The following HSF2BP variants were observed in gnomAD, a reference collection of about 807,000 sequenced individuals.
HSF2BP encodes the protein heat shock factor 2-binding protein.
Under a neutral mutation model 35.0 loss-of-function variants are expected in HSF2BP, and 35 were observed. The observed-to-expected ratio is 1.00, with a 90% confidence interval of 0.76 to 1.32. HSF2BP has a LOEUF of 1.32. Ranked by LOEUF, HSF2BP falls within the 40% of genes most tolerant of loss-of-function variation. The pLI is 0.00. For synonymous variants in HSF2BP, 114 were observed against 117.4 expected (o/e 0.97, Z 0.18); for missense variants, 326 against 321.7 (o/e 1.01, Z -0.10).
intron 8 of HSF2BP, among the ~76,000 whole-genome samples, chr21:43,591,537 C>T (rs2081925796): frequency 6.6e-6 from 1 of 152,168 alleles, no homozygotes; most frequent in African/African-American, 2.4e-5. Context: ...GTAAACTTAA[C>T]ATACCAAGAA....
intron 3 of HSF2BP, among the ~76,000 whole-genome samples, chr21:43,651,546 C>A (rs1289413709): frequency 1.3e-5 from 2 of 152,170 alleles, no homozygotes; most frequent in African/African-American, 4.8e-5. Context: ...TCCTAAAAAA[C>A]GTCATTTTGA....
chr21:43,650,461 TC>T (rs1482712097), intron 3 of HSF2BP, among the ~76,000 whole-genome samples: 2 of 152,166 alleles, frequency 1.3e-5, no homozygotes, highest in East Asian at 3.9e-4. Flanking sequence ...CACTTCGGCC[TC>T]CCAAAGTGCT....
chr21:43,611,159 T>A (rs984001223), intron 7 of HSF2BP, among the ~76,000 whole-genome samples: 1 of 152,124 alleles, frequency 6.6e-6, no homozygotes, highest in African/African-American at 2.4e-5. Flanking sequence ...GCTGGGAGGA[T>A]AACTTAAGCC....
intron 8 of HSF2BP, among the ~76,000 whole-genome samples, chr21:43,586,469 A>T (rs2081852645): frequency 6.6e-6 from 1 of 152,136 alleles, no homozygotes; most frequent in Admixed American, 6.5e-5. Flanking sequence ...TTTCATTTCA[A>T]GTCTTTTATC....
At chr21:43,646,719 A>C (rs2082713397) in intron 3 of HSF2BP, among the ~76,000 whole-genome samples, 1 of 152,246 alleles carries the variant, frequency 6.6e-6, no homozygotes, top group African/African-American at 2.4e-5. Context: ...GGGTTAAAAC[A>C]TCCCACTCTA....
intron 8 of HSF2BP, among the ~76,000 whole-genome samples, chr21:43,589,870 A>G (rs2081904677): frequency 6.6e-6 from 1 of 152,234 alleles, no homozygotes; most frequent in Non-Finnish European, 1.5e-5. Context: ...CTCTCACCAC[A>G]AACAGATACC....
intron 7 of HSF2BP, among the ~76,000 whole-genome samples, chr21:43,604,297 ACACACCATG>A (rs574065146): frequency 2.3e-4 from 34 of 146,560 alleles, no homozygotes; most frequent in African/African-American, 8.7e-4. Context: ...CACACACCAC[ACACACCATG>A]CACAAACCAC....
rs2082523625 is a variant in HSF2BP, at chr21:43,634,321, T to TG, written c.292-901dup. Among the ~76,000 whole-genome samples, 10 of 152,268 alleles carry TG rather than the reference T, an allele frequency of 6.6e-5. No individual in the cohort carries two copies. In the South Asian group the frequency reaches 1.9e-3, roughly 28 times the overall value. On this transcript the variant is annotated intron_variant, in intron 4 of 8. Transcript: ENST00000291560. ...CACCTTGAGTGTACTGCTAGAGTGA[T>TG]GGGGGGCTTCCTGTCCTCTCCAACC...
rs1008842837 is a variant in HSF2BP at position 43,597,834 on chromosome 21, A to C, written c.693-5506T>G. On this transcript the variant is annotated intron_variant, in intron 7 of 8. Transcript: ENST00000291560. This position sits in a 1 kb window ranked among gnomAD's most constrained non-coding sequence, Gnocchi z 4.3. The stretch of plus-strand genomic sequence containing the variant: ...GCCCAGCCCAAAATTTTAAATAAAG[A>C]TGGAACTGGTCACATACTGGAGCCT... Among the ~76,000 whole-genome samples the C allele has an allele frequency of 2.6e-5, 4 of 152,262 alleles. No individual in the cohort carries two copies. Among genetic ancestry groups the C allele is most frequent in the Admixed American group, 6.5e-5 (1 of 15,290 alleles).
At position 43,632,469 on chromosome 21, in the gene HSF2BP, TCACACACACACGCTGCCACA is replaced by T. The variant is rs1568928914; in HGVS notation, c.441+783_441+802del. Among the ~76,000 whole-genome samples, 5 of 139,676 alleles carry T rather than the reference TCACACACACACGCTGCCACA, an allele frequency of 3.6e-5. No homozygotes were observed. The South Asian group carries it at 1.1e-3, about 31-fold the overall frequency. 91.6% of individuals were successfully genotyped at this position (139,676 alleles called of 152,430 possible). On this transcript the variant is annotated intron_variant, in intron 5 of 8. Transcript: ENST00000291560. ...CATGCACATGCTCAAACACACATGC[TCACACACACACGCTGCCACA>T]CACACACACAGTTGAACCTTGAAAA... is the stretch of plus-strand genomic sequence containing the variant.
At position 43,574,418 on chromosome 21, in the gene HSF2BP, T is replaced by C. The variant is rs1262284391; in HGVS notation, c.796+17807A>G. On this transcript the variant is annotated intron_variant, in intron 8 of 8. Transcript: ENST00000291560. Reference sequence around the variant, plus strand: ...TGTCGCCCAGGCTGGAATGCAGTGGTGCGATCTCGGATCACCGCAAGCTCC... The same window carrying C: ...TGTCGCCCAGGCTGGAATGCAGTGGCGCGATCTCGGATCACCGCAAGCTCC... Among the ~76,000 whole-genome samples the C allele has an allele frequency of 3.3e-5, 5 of 152,010 alleles. No homozygotes were observed. The East Asian group carries it at 9.7e-4, about 29-fold the overall frequency.
intron 8 of HSF2BP, among the ~76,000 whole-genome samples, chr21:43,579,940 G>A (rs868004939): frequency 6.6e-6 from 1 of 152,200 alleles, no homozygotes; most frequent in African/African-American, 2.4e-5. Flanking sequence ...AGAATATCAT[G>A]GAAGTGAAGG....
intron 6 of HSF2BP, among the ~76,000 whole-genome samples, chr21:43,614,185 A>G (rs2082243451): frequency 6.6e-6 from 1 of 151,994 alleles, no homozygotes; most frequent in South Asian, 2.1e-4. Flanking sequence ...GCAACACAGC[A>G]AGACCCTATC....
intron 8 of HSF2BP, among the ~76,000 whole-genome samples, chr21:43,590,711 A>G (rs1012686026): frequency 6.6e-6 from 1 of 152,262 alleles, no homozygotes; most frequent in Non-Finnish European, 1.5e-5. Flanking sequence ...ACATGGATGG[A>G]TCTCAAAATA....
intron 7 of HSF2BP, among the ~76,000 whole-genome samples, chr21:43,604,535 ACACACAC>A (rs2082099310): frequency 6.8e-6 from 1 of 146,488 alleles, no homozygotes; most frequent in African/African-American, 2.5e-5. Context: ...CACACACACC[ACACACAC>A]CATACACACC....
chr21:43,580,062 T>G (rs952279535), intron 8 of HSF2BP, among the ~76,000 whole-genome samples: 7 of 152,038 alleles, frequency 4.6e-5, no homozygotes, highest in African/African-American at 1.7e-4. Flanking sequence ...ATCCCTCTGC[T>G]CAGGCCTCTC....
chr21:43,640,243 G>A (rs1177200474), intron 4 of HSF2BP, among the ~76,000 whole-genome samples: 1 of 152,246 alleles, frequency 6.6e-6, no homozygotes, highest in East Asian at 1.9e-4. Flanking sequence ...CAAGGATGCT[G>A]TGAGCCATGA....
intron 3 of HSF2BP, among the ~76,000 whole-genome samples, chr21:43,650,195 C>T (rs2082764024): frequency 1.3e-5 from 2 of 152,060 alleles, no homozygotes; most frequent in African/African-American, 4.8e-5. Context: ...CATCTAGAAC[C>T]ATCATATACT....
At chr21:43,580,268 C>T (rs1192664033) in intron 8 of HSF2BP, among the ~76,000 whole-genome samples, 2 of 152,188 alleles carry the variant, frequency 1.3e-5, no homozygotes, top group East Asian at 3.8e-4. Flanking sequence ...CCAAATTCAT[C>T]TTCATGTAAA....
Sources: gnomAD v4.1 joint callset for allele counts (sites outside exome capture counted in the v4.1 genomes callset) on GRCh38, gnomAD v4.1.1 for gene constraint, Gnocchi (gnomAD v3.1) non-coding constraint, MANE v1.5 for transcripts, NCBI Gene and HGNC (gene_info 2026-07-23, HGNC 2026-07-21) for gene names.